ZBTB7C: variants seen among roughly 807,000 people sequenced by gnomAD.
ZBTB7C encodes zinc finger and BTB domain-containing protein 7C.
In ZBTB7C, 8 loss-of-function variants were observed where a neutral mutation model predicts 25.7. That is an observed-to-expected ratio of 0.31 (90% confidence interval 0.18 to 0.56). The LOEUF (loss-of-function observed/expected upper bound fraction) is 0.56. Among genes scored for constraint, ZBTB7C ranks in the 20% least tolerant of loss-of-function variants. ZBTB7C has a pLI of 0.91. For synonymous variants in ZBTB7C, 394 were observed against 369.0 expected (o/e 1.07, Z -0.78); for missense variants, 824 against 855.2 (o/e 0.96, Z 0.46).
intron 3 of ZBTB7C, among the ~76,000 whole-genome samples, chr18:48,131,228 G>T (rs1429712116): frequency 1.3e-5 from 2 of 152,220 alleles, no homozygotes; most frequent in African/African-American, 4.8e-5. Flanking sequence ...GGACTTTATA[G>T]GTGATTGCAA....
chr18:48,303,954 C>T (rs969230039), intron 2 of ZBTB7C, among the ~76,000 whole-genome samples: 3 of 152,214 alleles, frequency 2.0e-5, no homozygotes, highest in East Asian at 1.9e-4. Flanking sequence ...AAGCCCTTAA[C>T]AAGCGCTAAC....
intron 3 of ZBTB7C, among the ~76,000 whole-genome samples, chr18:48,051,499 C>G (rs2036685548): frequency 6.6e-6 from 1 of 152,210 alleles, no homozygotes; most frequent in African/African-American, 2.4e-5. Flanking sequence ...AGCCTTTTAC[C>G]TTTCAAAGCA....
At chr18:48,349,590 AATGATGTCC>A (rs1198978632) in intron 1 of ZBTB7C, among the ~76,000 whole-genome samples, 1 of 152,212 alleles carries the variant, frequency 6.6e-6, no homozygotes, top group African/African-American at 2.4e-5. Flanking sequence ...TGCTGAAATG[AATGATGTCC>A]ATGCTAAACG....
At chr18:48,406,325 G>A (rs2048281296) in intron 1 of ZBTB7C, among the ~76,000 whole-genome samples, 1 of 152,092 alleles carries the variant, frequency 6.6e-6, no homozygotes, top group African/African-American at 2.4e-5. Flanking sequence ...GCCCCTGCTG[G>A]AGAGGGGTGA....
At chr18:48,179,949 CCCTG>C (rs1466325516) in intron 3 of ZBTB7C, among the ~76,000 whole-genome samples, 3 of 38,382 alleles carry the variant, frequency 7.8e-5, no homozygotes, top group Admixed American at 3.8e-4. Context: ...TTCCTTCCTT[CCCTG>C]CTTCCTTCCT....
intron 2 of ZBTB7C, among the ~76,000 whole-genome samples, chr18:48,227,428 C>T (rs990441746): frequency 2.0e-5 from 3 of 152,218 alleles, no homozygotes; most frequent in African/African-American, 7.2e-5. Flanking sequence ...TTTCTGCCGT[C>T]CTCTAGTCAC....
At chr18:48,226,848 G>A (rs1461359946) in intron 2 of ZBTB7C, among the ~76,000 whole-genome samples, 8 of 151,862 alleles carry the variant, frequency 5.3e-5, no homozygotes, top group Admixed American at 3.3e-4. Flanking sequence ...GTGAAACCCC[G>A]TCTCTACTAA....
chr18:48,293,113 T>G (rs1444704148), intron 2 of ZBTB7C, among the ~76,000 whole-genome samples: 1 of 152,208 alleles, frequency 6.6e-6, no homozygotes, highest in Non-Finnish European at 1.5e-5. Context: ...AACCACTGTC[T>G]TAGTCCGTGT....
At chr18:48,388,087 A>G (rs1359200456) in intron 1 of ZBTB7C, among the ~76,000 whole-genome samples, 1 of 152,156 alleles carries the variant, frequency 6.6e-6, no homozygotes, top group Non-Finnish European at 1.5e-5. Context: ...TCGGCCTCCC[A>G]AAGCGCTGGG....
chr18:48,112,239 G>A (rs2039267033), intron 3 of ZBTB7C, among the ~76,000 whole-genome samples: 2 of 146,894 alleles, frequency 1.4e-5, no homozygotes, highest in African/African-American at 4.9e-5. Context: ...CTTAGTGGGA[G>A]AATTCCAGTT....
rs568761725 is a variant in ZBTB7C, at chr18:48,088,777, CAG to C, written c.-16-47656_-16-47655del. 9.9e-4 allele frequency among the ~76,000 whole-genome samples: 150 copies of C among 152,148 alleles called. 4 individuals are homozygous for C. The South Asian group carries it at 0.031, about 31-fold the overall frequency. ...CCTGGAAGGTGGAGGTTGCAGTGAG[CAG>C]AGATTGCGCTACTGCACTTCAGCCT... On this transcript the variant is annotated intron_variant, in intron 3 of 4. Coordinates refer to ENST00000590800, the MANE Select transcript of ZBTB7C (RefSeq NM_001318841.2).
intron 2 of ZBTB7C, among the ~76,000 whole-genome samples, chr18:48,221,841 TC>T (rs2042968237): frequency 2.8e-5 from 3 of 107,986 alleles, no homozygotes. Flanking sequence ...TGTCCTAGTC[TC>T]CCTCTATGCT....
At chr18:48,387,110 C>T (rs1262742418) in intron 1 of ZBTB7C, among the ~76,000 whole-genome samples, 3 of 152,118 alleles carry the variant, frequency 2.0e-5, no homozygotes, top group Non-Finnish European at 4.4e-5. Context: ...TAAGCAAAAA[C>T]CAGGATGGGG....
intron 3 of ZBTB7C, among the ~76,000 whole-genome samples, chr18:48,083,116 A>G (rs2038052943): frequency 6.6e-6 from 1 of 152,210 alleles, no homozygotes; most frequent in Non-Finnish European, 1.5e-5. Context: ...AAATAAAAGT[A>G]TTGAATAATA....
intron 3 of ZBTB7C, among the ~76,000 whole-genome samples, chr18:48,143,489 A>G (rs1568253055): frequency 6.6e-6 from 1 of 152,170 alleles, no homozygotes; most frequent in Non-Finnish European, 1.5e-5. Context: ...TGTGCAAGCC[A>G]GGATCCCTGA....
chr18:48,389,754 G>A (rs543361257), intron 1 of ZBTB7C, among the ~76,000 whole-genome samples: 9 of 152,302 alleles, frequency 5.9e-5, no homozygotes, highest in African/African-American at 2.2e-4. Context: ...AAAGGAGAAC[G>A]CTCAGAGGAA....
intron 4 of ZBTB7C, among the ~76,000 whole-genome samples, chr18:48,032,033 C>CA (rs1320548684): frequency 8.5e-5 from 13 of 152,350 alleles, no homozygotes; most frequent in African/African-American, 3.1e-4. Context: ...GCAGAGGGCT[C>CA]AGCTCAGAAT....
At chr18:48,112,900 T>G (rs368287914) in intron 3 of ZBTB7C, among the ~76,000 whole-genome samples, 15 of 152,102 alleles carry the variant, frequency 9.9e-5, no homozygotes, top group South Asian at 6.2e-4. Context: ...TGATAAAGGG[T>G]TTAAATTCAA....
rs1026799101 is a variant in ZBTB7C at position 48,154,602 on chromosome 18, T to C, written c.-17+31332A>G. Among the ~76,000 whole-genome samples, 4 of 152,250 alleles carry C rather than the reference T, an allele frequency of 2.6e-5. No individual in the cohort carries two copies. In the South Asian group the frequency reaches 6.2e-4, roughly 24 times the overall value. On this transcript the variant is annotated intron_variant, in intron 3 of 4. Transcript: ENST00000590800. ...TTTCATTTTAGAAAATAAAACTTTG[T>C]GCTTCTTAAGTCTTGAAAGCAATAT...
Sources: gnomAD v4.1 joint callset for allele counts (sites outside exome capture counted in the v4.1 genomes callset) on GRCh38, gnomAD v4.1.1 for gene constraint, MANE v1.5 for transcripts, NCBI Gene and HGNC (gene_info 2026-07-23, HGNC 2026-07-21) for gene names.